Variants in CNMD observed in about 807,000 individuals in gnomAD.
CNMD encodes leukocyte cell-derived chemotaxin 1.
A neutral mutation model predicts 37.5 loss-of-function variants in CNMD; 30 were observed. That is an observed-to-expected ratio of 0.80 (90% confidence interval 0.60 to 1.09). The LOEUF is 1.09. Ranked by LOEUF, CNMD falls within the 50% of genes least tolerant of loss-of-function variation. The pLI, the probability that CNMD is intolerant of heterozygous loss-of-function variation, is 0.00. For missense variants in CNMD, 398 were observed against 423.9 expected, an observed-to-expected ratio of 0.94 and a Z score of 0.54; for synonymous variants, 167 against 148.2, an observed-to-expected ratio of 1.13 and a Z score of -0.92.
chr13:52,721,760 T>G (rs1299866764), intron 4 of CNMD, among the ~76,000 whole-genome samples: 4 of 152,232 alleles, frequency 2.6e-5, no homozygotes, highest in Admixed American at 6.5e-5. Flanking sequence ...TATACTTTTA[T>G]GTATCTCTCA....
At chr13:52,730,733 A>C (rs1425214823) in intron 3 of CNMD, among the ~76,000 whole-genome samples, 1 of 152,184 alleles carries the variant, frequency 6.6e-6, no homozygotes, top group Admixed American at 6.5e-5. Flanking sequence ...GGGTTGGCTT[A>C]AAGCAACAGC....
intron 3 of CNMD, among the ~76,000 whole-genome samples, chr13:52,724,699 C>G (rs891022680): frequency 5.3e-5 from 8 of 152,002 alleles, no homozygotes; most frequent in African/African-American, 1.7e-4. Context: ...GAGTTTGAGA[C>G]CAGCCTGGCC....
chr13:52,733,892 TG>T (rs1964715467), intron 2 of CNMD, among the ~76,000 whole-genome samples: 1 of 152,200 alleles, frequency 6.6e-6, no homozygotes, highest in Non-Finnish European at 1.5e-5. Flanking sequence ...AGGCATGCAG[TG>T]TCTCAGGTAT....
intron 6 of CNMD, among the ~76,000 whole-genome samples, chr13:52,704,887 C>A (rs1489585925): frequency 8.9e-6 from 1 of 112,398 alleles, no homozygotes; most frequent in Admixed American, 1.0e-4. Flanking sequence ...CATGGTGAAA[C>A]CAACCCCATC....
chr13:52,706,841 CTT>C (rs1964187560), intron 6 of CNMD, among the ~76,000 whole-genome samples: 1 of 151,962 alleles, frequency 6.6e-6, no homozygotes, highest in Non-Finnish European at 1.5e-5. Flanking sequence ...AAGGGAAACA[CTT>C]TTCTTAATAT....
chr13:52,725,777 G>C (rs1964561652), intron 3 of CNMD, among the ~76,000 whole-genome samples: 2 of 152,138 alleles, frequency 1.3e-5, no homozygotes, highest in East Asian at 3.9e-4. Context: ...ATAAAGAATG[G>C]GGGTAGAAAA....
At position 52,739,280 on chromosome 13, in the gene CNMD, G is replaced by A. The variant is rs1964841330; in HGVS notation, c.73-109C>T. The A allele has an allele frequency of 7.8e-7, 1 of 1,284,956 alleles. No individual in the cohort carries two copies. The highest frequency in any genetic ancestry group is 1.0e-6 in the Non-Finnish European group (1 of 976,304). 79.6% of individuals were successfully genotyped at this position (1,284,956 alleles called of 1,614,324 possible). A position where few individuals can be genotyped will look rare whatever the true frequency, so the allele number is the denominator to read the frequency against. On this transcript the variant is annotated intron_variant, in intron 1 of 6. Coordinates refer to ENST00000377962, the MANE Select transcript of CNMD (RefSeq NM_007015.3). The surrounding 1 kb of genome is among the most constrained non-coding windows in gnomAD (Gnocchi z 5.4). ...GCCCCCAGGGAGTGGGGAGTCGGGC[G>A]GGAAACAGCTCGCCCGGGCTCCTAC...
chr13:52,703,480 T>A lies in CNMD; in HGVS notation c.*115A>T. The A allele has an allele frequency of 1.5e-6, 1 of 679,936 alleles. No individual in the cohort carries two copies. The allele number at this position is 679,936 out of a possible 1,614,324, so 42.1% of individuals were successfully genotyped here. A position where few individuals can be genotyped will look rare whatever the true frequency, so the allele number is the denominator to read the frequency against. On this transcript the variant is annotated 3_prime_UTR_variant, in exon 7 of 7. Transcript: ENST00000377962. ...TGTTAAGAGTGTCAAGAATAACCGCTCAGGTTGAGTGTAAAAATATTTTGT... is the reference window on the plus strand; with the variant it reads ...TGTTAAGAGTGTCAAGAATAACCGCACAGGTTGAGTGTAAAAATATTTTGT...
At position 52,703,777 on chromosome 13, in the gene CNMD, T is replaced by A; in HGVS notation, c.823A>T (p.Arg275Ter). The A allele has an allele frequency of 1.9e-6, 3 of 1,613,710 alleles. No homozygotes were observed. The South Asian group carries it at 3.3e-5, about 18-fold the overall frequency. ...CAACAGATTCCTTCGTGATCCAGTC[T>A]AGGGTCGAATGTCATGCTTTCCCCT... is the stretch of plus-strand genomic sequence containing the variant. ...QEGESMTFDP[R>*]LDHEGICCIE... The change falls in exon 7 of 7, where the codon AGA becomes TGA. Residue 275 changes from arginine (R) to a stop codon, truncating the protein, a stop_gained. Coordinates refer to ENST00000377962, the MANE Select transcript of CNMD (RefSeq NM_007015.3). LOFTEE classifies it high-confidence loss of function.
chr13:52,739,008 C>T lies in CNMD; in HGVS notation c.213+23G>A. The stretch of plus-strand genomic sequence containing the variant: ...GCACCATGGGCGACACGGGGGTCCC[C>T]GCGCGCCGCCCTCTGGACTTACGTG... On this transcript the variant is annotated intron_variant, in intron 2 of 6. Transcript: ENST00000377962. This position sits in a 1 kb window ranked among gnomAD's most constrained non-coding sequence, Gnocchi z 5.4. The T allele has an allele frequency of 6.5e-7, 1 of 1,546,794 alleles. No homozygotes were observed.
chr13:52,739,031 G>GT lies in CNMD; in HGVS notation c.212dup (p.His71GlnfsTer32), dbSNP rs1566235228. 2 of 1,576,774 alleles carry GT rather than the reference G, an allele frequency of 1.3e-6. No homozygotes were observed. The highest frequency in any genetic ancestry group is 1.4e-5 in the African/African-American group (1 of 70,768). Reference sequence around the variant, plus strand: ...CCCGCGCGCCGCCCTCTGGACTTACGTGACTGTCGCTCCCCTTCCAGAAGT... The same window carrying GT: ...CCCGCGCGCCGCCCTCTGGACTTACGTTGACTGTCGCTCCCCTTCCAGAAGT... On this transcript the variant is annotated frameshift_variant and splice_region_variant, in exon 2 of 7. Transcript: ENST00000377962. LOFTEE classifies it high-confidence loss of function. This position sits in a 1 kb window ranked among gnomAD's most constrained non-coding sequence, Gnocchi z 5.4.
chr13:52,734,416 C>T (rs950904945), intron 2 of CNMD, among the ~76,000 whole-genome samples: 9 of 152,076 alleles, frequency 5.9e-5, no homozygotes, highest in Non-Finnish European at 5.9e-5. Flanking sequence ...ATACTTAAAA[C>T]ATTTCTTTTT....
intron 3 of CNMD, chr13:52,732,974 G>A (rs183647349): frequency 7.5e-5 from 39 of 523,280 alleles, no homozygotes; most frequent in African/African-American, 6.5e-4. Context: ...ATTCAGTAAA[G>A]GTGGTTCTTT....
chr13:52,730,740 C>T (rs1478399924), intron 3 of CNMD, among the ~76,000 whole-genome samples: 1 of 152,164 alleles, frequency 6.6e-6, no homozygotes, highest in African/African-American at 2.4e-5. Context: ...CTTAAAGCAA[C>T]AGCACTGGTG....
intron 4 of CNMD, among the ~76,000 whole-genome samples, chr13:52,717,321 G>T (rs1279384041): frequency 6.6e-6 from 1 of 152,124 alleles, no homozygotes; most frequent in Non-Finnish European, 1.5e-5. Flanking sequence ...CCTCCTATTA[G>T]AATACACTTT....
intron 5 of CNMD, among the ~76,000 whole-genome samples, chr13:52,710,912 C>T (rs867997440): frequency 2.0e-5 from 3 of 152,124 alleles, no homozygotes; most frequent in South Asian, 2.1e-4. Context: ...AATTACTCAT[C>T]CTATCAGTTG....
intron 6 of CNMD, 133 bp downstream of exon 6, chr13:52,708,403 G>C: frequency 1.5e-6 from 1 of 668,282 alleles, no homozygotes; most frequent in Non-Finnish European, 2.3e-6. Flanking sequence ...GGCTGGCCTC[G>C]AACTCCTGAC....
intron 6 of CNMD, among the ~76,000 whole-genome samples, chr13:52,708,187 ATTT>A: frequency 1.3e-5 from 2 of 149,636 alleles, no homozygotes; most frequent in African/African-American, 4.9e-5. Flanking sequence ...TTTCAACACT[ATTT>A]TTTTTTTTTG....
chr13:52,725,684 C>T (rs1158804784), intron 3 of CNMD, among the ~76,000 whole-genome samples: 1 of 152,146 alleles, frequency 6.6e-6, no homozygotes. Flanking sequence ...AATGGAGATA[C>T]TAGCACAAAT....
Sources: allele counts gnomAD v4.1 joint callset (sites outside exome capture counted in the v4.1 genomes callset), GRCh38; gene constraint gnomAD v4.1.1; non-coding constraint Gnocchi (gnomAD v3.1); transcripts MANE v1.5; gene names NCBI Gene and HGNC (gene_info 2026-07-23, HGNC 2026-07-21).